GABRR2: variants seen among roughly 807,000 people sequenced by gnomAD.
GABRR2 encodes the protein gamma-aminobutyric acid type A receptor subunit rho2.
A neutral mutation model predicts 47.0 loss-of-function variants in GABRR2; 36 were observed. The observed-to-expected ratio is 0.77, with a 90% CI of 0.59 to 1.01. GABRR2 has a LOEUF of 1.01. GABRR2 is among the 50% of genes least tolerant of loss of function. The pLI, the probability that GABRR2 is intolerant of heterozygous loss-of-function variation, is 0.00. For synonymous variants in GABRR2, 204 were observed against 227.5 expected, an observed-to-expected ratio of 0.90 and a Z score of 0.93; for missense variants, 587 against 594.6, an observed-to-expected ratio of 0.99 and a Z score of 0.13.
chr6:89,303,416 TAAAAA>T (rs34549236), intron 1 of GABRR2, among the ~76,000 whole-genome samples: 1 of 147,244 alleles, frequency 6.8e-6, no homozygotes, highest in Non-Finnish European at 1.5e-5. Flanking sequence ...TGCTGTCAGA[TAAAAA>T]AAAAAAGAAA....
chr6:89,313,556 G>A (rs1341084096), intron 1 of GABRR2, among the ~76,000 whole-genome samples: 2 of 142,866 alleles, frequency 1.4e-5, no homozygotes, highest in Non-Finnish European at 3.0e-5. Context: ...CGCATGGGTT[G>A]TTCAGAGCAG....
At chr6:89,281,320 G>A (rs562835088) in intron 2 of GABRR2, among the ~76,000 whole-genome samples, 5 of 152,236 alleles carry the variant, frequency 3.3e-5, no homozygotes, top group Non-Finnish European at 7.3e-5. Flanking sequence ...TGATCCAGAG[G>A]AAGGATCAGT....
chr6:89,298,711 A>G (rs1319627762), intron 2 of GABRR2, among the ~76,000 whole-genome samples: 1 of 152,196 alleles, frequency 6.6e-6, no homozygotes, highest in Admixed American at 6.5e-5. Flanking sequence ...GTCAGAGCAG[A>G]TGACTGATTC....
chr6:89,281,571 A>G (rs1774255417), intron 2 of GABRR2, among the ~76,000 whole-genome samples: 2 of 151,802 alleles, frequency 1.3e-5, no homozygotes, highest in African/African-American at 4.8e-5. Context: ...GTTTTTTTTT[A>G]AAGGCAGTTT....
intron 1 of GABRR2, among the ~76,000 whole-genome samples, chr6:89,311,887 C>A (rs1338908544): frequency 6.6e-6 from 1 of 152,194 alleles, no homozygotes; most frequent in East Asian, 1.9e-4. Context: ...AAGGTCTGAA[C>A]CTGATTTTCC....
intron 2 of GABRR2, among the ~76,000 whole-genome samples, chr6:89,294,813 C>G (rs141682104): frequency 0.052 from 6,887 of 133,528 alleles, 627 homozygotes; most frequent in African/African-American, 0.18. Context: ...ACAACAGGCC[C>G]TGGTGTGTGA....
chr6:89,312,489 C>T (rs552906146), intron 1 of GABRR2, among the ~76,000 whole-genome samples: 5 of 152,076 alleles, frequency 3.3e-5, no homozygotes, highest in Non-Finnish European at 7.4e-5. Context: ...TAGTGTGTGC[C>T]CGTGAAGTCA....
chr6:89,280,631 G>A (rs1488091295), intron 2 of GABRR2, among the ~76,000 whole-genome samples: 1 of 152,134 alleles, frequency 6.6e-6, no homozygotes, highest in East Asian at 1.9e-4. Context: ...CTGCTGTCAT[G>A]GGTGAATGCG....
intron 1 of GABRR2, among the ~76,000 whole-genome samples, 163 bp downstream of exon 1, chr6:89,314,888 GTA>G (rs1767736366): frequency 6.6e-6 from 1 of 152,208 alleles, no homozygotes. Context: ...GACACATAGA[GTA>G]TGTGTGCCCA....
At chr6:89,270,547 A>G (rs1220512429) in intron 3 of GABRR2, 1 of 152,280 alleles carries the variant, frequency 6.6e-6, no homozygotes. Context: ...TGTAAAATCT[A>G]GCATCTTGGA....
intron 2 of GABRR2, among the ~76,000 whole-genome samples, chr6:89,292,346 TTATATATATATATATA>T (rs57703020): frequency 1.4e-4 from 2 of 13,834 alleles, no homozygotes; most frequent in Non-Finnish European, 2.4e-4. Flanking sequence ...AAAAAAAATT[TTATATATATATATATA>T]TATATATATA....
chr6:89,279,504 CTT>C (rs952534721), intron 2 of GABRR2, among the ~76,000 whole-genome samples: 14 of 151,432 alleles, frequency 9.2e-5, no homozygotes, highest in African/African-American at 3.4e-4. Context: ...ATTCAAAAAA[CTT>C]TTTTTTGGTT....
intron 1 of GABRR2, chr6:89,303,018 G>A: frequency 1.8e-5 from 23 of 1,263,832 alleles, no homozygotes; most frequent in Non-Finnish European, 2.3e-5. Context: ...ATGACCTGGT[G>A]TCCGAGTACC....
At chr6:89,313,252 A>G (rs1767707851) in intron 1 of GABRR2, among the ~76,000 whole-genome samples, 1 of 152,230 alleles carries the variant, frequency 6.6e-6, no homozygotes, top group Admixed American at 6.5e-5. Context: ...CCCACAAGAC[A>G]GTCCAAAAAA....
intron 2 of GABRR2, among the ~76,000 whole-genome samples, chr6:89,291,601 G>T (rs1774442326): frequency 6.6e-6 from 1 of 151,894 alleles, no homozygotes; most frequent in Non-Finnish European, 1.5e-5. Context: ...TCACACACTG[G>T]GTATCCTTCC....
At chr6:89,302,290 C>T in intron 1 of GABRR2, 2 of 564,430 alleles carry the variant, frequency 3.5e-6, no homozygotes, top group South Asian at 2.8e-5. Flanking sequence ...GCGTAGTGCC[C>T]TCGCCCAAGG....
intron 2 of GABRR2, among the ~76,000 whole-genome samples, chr6:89,297,516 A>G (rs1429520470): frequency 6.6e-6 from 1 of 152,178 alleles, no homozygotes; most frequent in East Asian, 1.9e-4. Flanking sequence ...ATATATATGT[A>G]CCTTGATTAG....
At chr6:89,279,374 C>T (rs539691861) in intron 2 of GABRR2, among the ~76,000 whole-genome samples, 2 of 150,818 alleles carry the variant, frequency 1.3e-5, no homozygotes, top group Non-Finnish European at 1.5e-5. Flanking sequence ...AGTGTGCATG[C>T]GTGTGTGTGT....
At chr6:89,286,309 C>T (rs1023112547) in intron 2 of GABRR2, among the ~76,000 whole-genome samples, 3 of 152,120 alleles carry the variant, frequency 2.0e-5, no homozygotes, top group Non-Finnish European at 4.4e-5. Flanking sequence ...GTTTCAGTTA[C>T]GCAAGGTGAG....
Sources: gnomAD v4.1 joint callset for allele counts (sites outside exome capture counted in the v4.1 genomes callset) on GRCh38, gnomAD v4.1.1 for gene constraint, MANE v1.5 for transcripts, NCBI Gene and HGNC (gene_info 2026-07-23, HGNC 2026-07-21) for gene names.